The following CTBP1 variants were observed in gnomAD, a reference collection of about 807,000 sequenced individuals.
CTBP1 encodes the protein C-terminal binding protein 1.
A neutral mutation model predicts 42.1 loss-of-function variants in CTBP1; 11 were observed. The ratio of observed to expected loss-of-function variants is 0.26; its 90% CI spans 0.16 to 0.43. CTBP1 has a LOEUF of 0.43. Among genes scored for constraint, CTBP1 ranks in the 20% least tolerant of loss-of-function variants. The probability of loss-of-function intolerance (pLI) is 1.00; values close to 1 mark genes in which losing one functional copy is unlikely to be tolerated. For synonymous variants in CTBP1, 324 were observed against 277.1 expected (o/e 1.17, Z -1.68); for missense variants, 399 against 624.3 (o/e 0.64, Z 3.85).
rs145483119 is a variant in CTBP1 at position 1,240,773 on chromosome 4, G to A, written c.7+552C>T. Among the ~76,000 whole-genome samples the A allele has an allele frequency of 3.8e-3, 576 of 152,278 alleles. 1 individual carries two copies. Among genetic ancestry groups the A allele is most frequent in the African/African-American group, 0.011 (461 of 41,558 alleles). ...TGAGCTGCCCCTGACCACCGTGCCA[G>A]GGTTCCCCGGACAGCCCACCCTTGC... On this transcript the variant is annotated intron_variant, in intron 2 of 9. Transcript: ENST00000382952.
chr4:1,225,684 G>A (rs1730260247), intron 4 of CTBP1, 118 bp from the exon 5 acceptor site: 2 of 1,137,752 alleles, frequency 1.8e-6, no homozygotes, highest in African/African-American at 3.1e-5. Flanking sequence ...CAAAGGCCGT[G>A]TCCCCAAGGC....
intron 2 of CTBP1, among the ~76,000 whole-genome samples, chr4:1,239,258 G>A (rs994839660): frequency 2.0e-5 from 3 of 152,186 alleles, no homozygotes; most frequent in African/African-American, 7.2e-5. Flanking sequence ...CGACCGCCCC[G>A]TGCCAGGCAG....
intron 5 of CTBP1, among the ~76,000 whole-genome samples, chr4:1,219,107 T>G (rs887595294): frequency 4.6e-5 from 7 of 152,028 alleles, no homozygotes; most frequent in African/African-American, 1.7e-4. Flanking sequence ...CAAGGCAGGG[T>G]GACCACTTGA....
At chr4:1,230,346 A>G (rs939880059) in intron 3 of CTBP1, among the ~76,000 whole-genome samples, 2 of 152,198 alleles carry the variant, frequency 1.3e-5, no homozygotes, top group Non-Finnish European at 2.9e-5. Flanking sequence ...ATGGGCGCCC[A>G]CACACCAAGG....
intron 3 of CTBP1, among the ~76,000 whole-genome samples, chr4:1,230,702 A>G (rs1730875100): frequency 6.6e-6 from 1 of 152,214 alleles, no homozygotes; most frequent in African/African-American, 2.4e-5. Context: ...TCGATTCTGA[A>G]CCGCGGCACG....
At position 1,226,068 on chromosome 4, in the gene CTBP1, A is replaced by G. The variant is rs574549926; in HGVS notation, c.308-502T>C. 4.6e-5 allele frequency among the ~76,000 whole-genome samples: 7 copies of G among 151,332 alleles called. No individual in the cohort carries two copies. The South Asian group carries it at 1.5e-3, about 32-fold the overall frequency. Reference sequence around the variant, plus strand: ...GGCCCCGAAGCCCCTTCCGCCCTCCATGCCCCACCCCTGCAGTCGGTAACA... The same window carrying G: ...GGCCCCGAAGCCCCTTCCGCCCTCCGTGCCCCACCCCTGCAGTCGGTAACA... On this transcript the variant is annotated intron_variant, in intron 4 of 9. Transcript: ENST00000382952.
At chr4:1,229,317 C>A (rs1407490516) in intron 3 of CTBP1, among the ~76,000 whole-genome samples, 2 of 152,258 alleles carry the variant, frequency 1.3e-5, no homozygotes, top group East Asian at 3.8e-4. Flanking sequence ...CCGCACACGT[C>A]CATCCCACAC....
chr4:1,247,541 C>A (rs576500724), intron 1 of CTBP1, among the ~76,000 whole-genome samples: 1 of 152,076 alleles, frequency 6.6e-6, no homozygotes. Flanking sequence ...GAAAGGGGGA[C>A]CCCCAAACCG....
Position 1,214,333 on chromosome 4 carries a change from G to C in CTBP1, c.860+10C>G. 6.5e-7 allele frequency: 1 copy of C among 1,543,664 alleles called. No homozygotes were observed. On this transcript the variant is annotated intron_variant, in intron 7 of 9. Transcript: ENST00000382952. ...GAAGAGCAGGGGGGCGGCACTGGCC[G>C]TGGGGGCACCTGAAGGGTTCCGACT...
rs765846448 is a variant in CTBP1 at position 1,216,203 on chromosome 4, G to A, written c.517C>T (p.Arg173Cys). ...GETLGIIGLGRVGQAVALRAK... is the reference protein window; with the variant it reads ...GETLGIIGLGCVGQAVALRAK... The stretch of plus-strand genomic sequence containing the variant: ...CGCAGCGCCACTGCCTGCCCCACGC[G>A]ACCTGGTGGCGTCAAGACACAGTGT... Residue 173 changes from arginine to cysteine, a missense_variant and splice_region_variant, in exon 6 of 10, where the codon CGC becomes TGC. Arg to Cys is a radical substitution (Grantham distance 180). Around this residue, in one of 4 missense-constraint regions of CTBP1, gnomAD observed 309 missense variants for 497.5 expected, o/e 0.62. Transcript: ENST00000382952. 7 of 1,609,072 alleles carry A rather than the reference G, an allele frequency of 4.4e-6. No individual in the cohort carries two copies. Among genetic ancestry groups the A allele is most frequent in the East Asian group, 2.2e-5 (1 of 44,826 alleles).
chr4:1,221,328 C>T (rs1325393665), intron 5 of CTBP1: 1 of 152,390 alleles, frequency 6.6e-6, no homozygotes, highest in East Asian at 1.9e-4. Flanking sequence ...TGACGCCGCG[C>T]CCCTGCCTGA....
At chr4:1,232,458 C>A (rs765823669) in intron 3 of CTBP1, among the ~76,000 whole-genome samples, 1 of 151,940 alleles carries the variant, frequency 6.6e-6, no homozygotes, top group Non-Finnish European at 1.5e-5. Flanking sequence ...ACTACAGGCG[C>A]GCACCACCAC....
intron 1 of CTBP1, 117 bp downstream of exon 1, chr4:1,248,799 A>G (rs1328021361): frequency 1.8e-5 from 17 of 937,222 alleles, no homozygotes; most frequent in Admixed American, 6.5e-5. Flanking sequence ...GCACTCGCAC[A>G]CAAAGCCGGC....
chr4:1,213,615 G>A lies in CTBP1; in HGVS notation c.861-10C>T. 1 of 1,612,214 alleles carries A rather than the reference G, an allele frequency of 6.2e-7. No homozygotes were observed. Among genetic ancestry groups the A allele is most frequent in the Non-Finnish European group, 8.5e-7 (1 of 1,179,730 alleles). Reference sequence around the variant, plus strand: ...AGGGCCCTGGCTAAAGCTGGGAACAGCACAGGCATGGTCAGTGCAGCCTGA... The same window carrying A: ...AGGGCCCTGGCTAAAGCTGGGAACAACACAGGCATGGTCAGTGCAGCCTGA... On this transcript the variant is annotated splice_polypyrimidine_tract_variant and intron_variant, in intron 7 of 9. Transcript: ENST00000382952.
intron 5 of CTBP1, chr4:1,223,536 C>T (rs1729980616): frequency 2.2e-6 from 1 of 455,212 alleles, no homozygotes; most frequent in Non-Finnish European, 4.4e-6. Context: ...AAGCGGGGGG[C>T]CGGCCGGTCA....
intron 5 of CTBP1, among the ~76,000 whole-genome samples, chr4:1,224,899 T>C (rs1730160013): frequency 1.3e-5 from 2 of 151,976 alleles, no homozygotes; most frequent in Admixed American, 6.6e-5. Context: ...GTATGTGTAC[T>C]GTGACATCGG....
intron 1 of CTBP1, 33 bp from the exon 2 acceptor site, chr4:1,241,552 G>T: frequency 6.4e-7 from 1 of 1,550,992 alleles, no homozygotes; most frequent in Non-Finnish European, 8.7e-7. Flanking sequence ...ACATTAAAAT[G>T]CCATCGAAGG....
At chr4:1,249,362 G>A (rs1332300062), upstream of CTBP1, 1 of 151,076 alleles carries the variant, frequency 6.6e-6, no homozygotes, top group Non-Finnish European at 1.5e-5. Flanking sequence ...AGTCGGGCAG[G>A]GTCGGGCCGG....
Position 1,225,888 on chromosome 4 carries a change from G to A in CTBP1, c.308-322C>T, listed in dbSNP as rs553443259. Among the ~76,000 whole-genome samples, 11 of 151,900 alleles carry A rather than the reference G, an allele frequency of 7.2e-5. No individual in the cohort carries two copies. In the East Asian group the frequency reaches 2.2e-3, roughly 30 times the overall value. On this transcript the variant is annotated intron_variant, in intron 4 of 9. Transcript: ENST00000382952. ...GCGCTGGCAGCCCAGGAAGAGACAAGCACGTGTCTCCCCGCGTCACCTCGC... is the reference window on the plus strand; with the variant it reads ...GCGCTGGCAGCCCAGGAAGAGACAAACACGTGTCTCCCCGCGTCACCTCGC...
Sources: allele counts gnomAD v4.1 joint callset (sites outside exome capture counted in the v4.1 genomes callset), GRCh38; gene constraint gnomAD v4.1.1; regional missense constraint gnomAD v4.1.1; transcripts MANE v1.5; gene names NCBI Gene and HGNC (gene_info 2026-07-23, HGNC 2026-07-21).